Variants in CDK12 observed in about 807,000 individuals in gnomAD.
CDK12 encodes cyclin dependent kinase 12, also known as cyclin-dependent kinase 12.
In CDK12, 17 loss-of-function variants were observed where a neutral mutation model predicts 133.8. The ratio of observed to expected loss-of-function variants is 0.13; its 90% CI spans 0.09 to 0.19. The LOEUF is 0.19. Among genes scored for constraint, CDK12 ranks in the 10% least tolerant of loss-of-function variants. CDK12 has a pLI of 1.00. For missense variants in CDK12, 1,508 were observed against 1,818.7 expected, an observed-to-expected ratio of 0.83 and a Z score of 3.11; for synonymous variants, 694 against 683.6, an observed-to-expected ratio of 1.02 and a Z score of -0.24.
intron 1 of CDK12, among the ~76,000 whole-genome samples, chr17:39,466,307 CAAAA>C (rs370044004): frequency 3.2e-5 from 3 of 94,516 alleles, no homozygotes; most frequent in Non-Finnish European, 4.5e-5. Flanking sequence ...GACTGCGTCT[CAAAA>C]AAAAAAAAAA....
In CDK12 at chr17:39,462,326, T is replaced by A. The variant is rs1404722292; in HGVS notation, c.255T>A (p.Asp85Glu). ...DISSDSDTFS[D>E]DMAFKLDRRE... ...GCTCTGATTCCGACACCTTCTCCGATGACATGGCCTTCAAACTAGACCGAA... is the reference window on the plus strand; with the variant it reads ...GCTCTGATTCCGACACCTTCTCCGAAGACATGGCCTTCAAACTAGACCGAA... Residue 85 changes from aspartate (D) to glutamate (E), a missense_variant, in exon 1 of 14, where the codon GAT (aspartate) becomes GAA (glutamate). Physicochemically the swap from Asp to Glu is conservative, Grantham distance 45. Coordinates refer to ENST00000447079, the MANE Select transcript of CDK12 (RefSeq NM_016507.4). 1 of 1,614,188 alleles carries A rather than the reference T, an allele frequency of 6.2e-7. No homozygotes were observed. The highest frequency in any genetic ancestry group is 1.1e-5 in the South Asian group (1 of 91,088).
rs1004637702 is a variant in CDK12, at chr17:39,530,547, G to C, written c.3761-57G>C. 2.0e-6 allele frequency: 3 copies of C among 1,517,572 alleles called. No homozygotes were observed. The African/African-American group carries it at 4.2e-5, about 21-fold the overall frequency. The allele number at this position is 1,517,572 out of a possible 1,614,324, so 94.0% of individuals were successfully genotyped here. A position where few individuals can be genotyped will look rare whatever the true frequency, so the allele number is the denominator to read the frequency against. On this transcript the variant is annotated intron_variant, in intron 13 of 13. Transcript: ENST00000447079. Reference sequence around the variant, plus strand: ...TATGTTGCACAGTGTGTGTGTTTGTGTTTATAATCACATGTGCTTTTTAAG... The same window carrying C: ...TATGTTGCACAGTGTGTGTGTTTGTCTTTATAATCACATGTGCTTTTTAAG...
At chr17:39,538,002 T>TA (rs544526262), downstream of CDK12, among the ~76,000 whole-genome samples, 295 of 152,168 alleles carry the variant, frequency 1.9e-3, 2 homozygotes, top group African/African-American at 6.8e-3. Flanking sequence ...CAATACTGAG[T>TA]AAAGAATTCC....
intron 13 of CDK12, among the ~76,000 whole-genome samples, chr17:39,528,671 A>T (rs1026381543): frequency 6.6e-6 from 1 of 152,218 alleles, no homozygotes; most frequent in Admixed American, 6.5e-5. Flanking sequence ...TTTTACACAT[A>T]TGAAAGAATT....
In CDK12 at chr17:39,501,396, C is replaced by T. The variant is rs2146144269; in HGVS notation, c.2566C>T (p.Leu856=). The T allele has an allele frequency of 6.2e-7, 1 of 1,613,114 alleles. No individual in the cohort carries two copies. Among genetic ancestry groups the T allele is most frequent in the South Asian group, 1.1e-5 (1 of 90,780 alleles). Residue 856 remains leucine (L), a synonymous_variant, in exon 6 of 14, where the codon CTG becomes TTG. Coordinates refer to ENST00000447079, the MANE Select transcript of CDK12 (RefSeq NM_016507.4). ...GGAATACTGTCACAAAAAGAATTTC[C>T]TGCATCGGGATATTAAGTGTTCTAA... ...GLEYCHKKNF[L]HRDIKCSNIL... is the part of the protein sequence containing the mutation.
intron 2 of CDK12, among the ~76,000 whole-genome samples, chr17:39,472,618 G>A (rs1009880145): frequency 4.0e-5 from 6 of 151,472 alleles, no homozygotes; most frequent in Non-Finnish European, 8.8e-5. Context: ...AGGTTGCAGC[G>A]AGCCAAGATT....
At chr17:39,528,523 C>G (rs142327693) in intron 13 of CDK12, among the ~76,000 whole-genome samples, 1 of 150,560 alleles carries the variant, frequency 6.6e-6, no homozygotes, top group Non-Finnish European at 1.5e-5. Context: ...TTAGTAGAGA[C>G]GGGGTTTCAC....
intron 13 of CDK12, 26 bp downstream of exon 13, chr17:39,526,342 T>C (rs773010062): frequency 6.5e-6 from 10 of 1,530,936 alleles, no homozygotes; most frequent in Middle Eastern, 2.3e-4. Flanking sequence ...ATGAATCTCA[T>C]TGAGCTCAGG....
rs78076728 is a variant in CDK12 at position 39,528,672 on chromosome 17, T to A, written c.3761-1932T>A. Among the ~76,000 whole-genome samples the A allele has an allele frequency of 6.3e-3, 958 of 152,278 alleles. 17 individuals are homozygous for A. Among genetic ancestry groups the A allele is most frequent in the African/African-American group, 0.022 (916 of 41,556 alleles). Reference sequence around the variant, plus strand: ...GAATAGAATTTTTATTTTACACATATGAAAGAATTTGACCTCAAGTGTTAG... The same window carrying A: ...GAATAGAATTTTTATTTTACACATAAGAAAGAATTTGACCTCAAGTGTTAG... On this transcript the variant is annotated intron_variant, in intron 13 of 13. Transcript: ENST00000447079.
intron 2 of CDK12, among the ~76,000 whole-genome samples, chr17:39,486,535 G>C (rs2051147656): frequency 6.6e-6 from 1 of 151,868 alleles, no homozygotes; most frequent in Non-Finnish European, 1.5e-5. Context: ...CAAAGTAGTG[G>C]GATTACAGGC....
chr17:39,475,604 G>A (rs1321535537), intron 2 of CDK12, among the ~76,000 whole-genome samples: 6 of 149,390 alleles, frequency 4.0e-5, no homozygotes, highest in African/African-American at 1.2e-4. Context: ...CTGGAGTGCA[G>A]TGGCGATCTT....
At chr17:39,530,294 A>G (rs903435426) in intron 13 of CDK12, 3 of 251,554 alleles carry the variant, frequency 1.2e-5, no homozygotes, top group African/African-American at 6.8e-5. Flanking sequence ...AGGGGCAGGG[A>G]GTCTGCCAAC....
chr17:39,538,904 A>AATAC (rs199620122), downstream of CDK12, among the ~76,000 whole-genome samples: 16,616 of 144,698 alleles, frequency 0.11, 1,019 homozygotes, highest in East Asian at 0.16. Context: ...ATCTCAAATA[A>AATAC]ATACATACAT....
intron 2 of CDK12, among the ~76,000 whole-genome samples, chr17:39,489,926 C>T (rs180745519): frequency 2.2e-4 from 33 of 151,460 alleles, no homozygotes; most frequent in Admixed American, 1.9e-3. Context: ...AGGGGTGAGC[C>T]ACCATGCCCA....
At chr17:39,465,500 T>G (rs959115625) in intron 1 of CDK12, among the ~76,000 whole-genome samples, 1 of 151,972 alleles carries the variant, frequency 6.6e-6, no homozygotes, top group Admixed American at 6.6e-5. Flanking sequence ...TTTTTGTTTT[T>G]TTTTGAGACA....
At chr17:39,500,295 C>A (rs757915052) in intron 5 of CDK12, among the ~76,000 whole-genome samples, 1 of 151,880 alleles carries the variant, frequency 6.6e-6, no homozygotes, top group Non-Finnish European at 1.5e-5. Context: ...CATGCCACTG[C>A]ACTCCATCCT....
At position 39,461,764 on chromosome 17, in the gene CDK12, G is replaced by T. The variant is rs566256422; in HGVS notation, c.-308G>T. On this transcript the variant is annotated 5_prime_UTR_variant, in exon 1 of 14. Coordinates refer to ENST00000447079, the MANE Select transcript of CDK12 (RefSeq NM_016507.4). ...GGCTTCTCACTTCCTGGACCTCCCC[G>T]GCGCCCGGGCCTGAGGACTGGCTCG... 1.0e-5 allele frequency: 4 copies of T among 400,282 alleles called. No homozygotes were observed. The East Asian group carries it at 1.6e-4, about 16-fold the overall frequency. The allele number at this position is 400,282 out of a possible 1,614,324, so 24.8% of individuals were successfully genotyped here.
intron 2 of CDK12, 75 bp from the exon 3 acceptor site, chr17:39,490,482 C>T: frequency 2.1e-6 from 2 of 964,998 alleles, no homozygotes; most frequent in Non-Finnish European, 1.5e-6. Flanking sequence ...CGTAACCAGG[C>T]ATTATGATCT....
intron 2 of CDK12, among the ~76,000 whole-genome samples, chr17:39,552,903 A>C (rs571189434): frequency 1.3e-5 from 2 of 152,070 alleles, no homozygotes; most frequent in African/African-American, 4.8e-5. Flanking sequence ...TAATTTTTGT[A>C]TTTTTAGTAG....
Sources: gnomAD v4.1 joint callset for allele counts (sites outside exome capture counted in the v4.1 genomes callset) on GRCh38, gnomAD v4.1.1 for gene constraint, MANE v1.5 for transcripts, NCBI Gene and HGNC (gene_info 2026-07-23, HGNC 2026-07-21) for gene names.